The following MEIS2 variants were observed in gnomAD, a reference collection of about 807,000 sequenced individuals.
MEIS2 encodes homeobox protein Meis2.
MEIS2 carries 9 observed loss-of-function variants against 58.6 expected under a neutral mutation model. That is an observed-to-expected ratio of 0.15 (90% CI 0.09 to 0.27). The LOEUF (loss-of-function observed/expected upper bound fraction) is 0.27, where lower values mean the gene tolerates loss of function less well. MEIS2 is among the 10% of genes least tolerant of loss of function. MEIS2 has a pLI of 1.00. For missense variants in MEIS2, 427 were observed against 635.0 expected, an observed-to-expected ratio of 0.67 and a Z score of 3.52; for synonymous variants, 221 against 228.4, an observed-to-expected ratio of 0.97 and a Z score of 0.29.
chr15:37,064,339 A>C (rs1889646801), intron 7 of MEIS2, among the ~76,000 whole-genome samples: 1 of 151,868 alleles, frequency 6.6e-6, no homozygotes, highest in African/African-American at 2.4e-5. Context: ...TATTTTTTCT[A>C]TTTTTCTTTT....
chr15:36,966,750 C>T (rs1197278020), intron 8 of MEIS2, among the ~76,000 whole-genome samples: 1 of 152,130 alleles, frequency 6.6e-6, no homozygotes, highest in African/African-American at 2.4e-5. Context: ...CTGGGGGTAA[C>T]AAACTTCATG....
intron 9 of MEIS2, among the ~76,000 whole-genome samples, chr15:36,937,319 A>G (rs910896939): frequency 6.2e-4 from 94 of 152,168 alleles, no homozygotes; most frequent in African/African-American, 2.2e-3. Flanking sequence ...TGAAGAAATC[A>G]TTTGGTCTGA....
rs371989871 is a variant in MEIS2 at position 36,970,399 on chromosome 15, G to A, written c.901-19999C>T. On this transcript the variant is annotated intron_variant, in intron 8 of 11. Coordinates refer to ENST00000561208, the MANE Select transcript of MEIS2 (RefSeq NM_170675.5). ...AGCCTGGGCGACAGAGCAAGACTCC[G>A]TCTCAAAAAAAAAAAAAAGTGCAAA... 4.6e-3 allele frequency among the ~76,000 whole-genome samples: 586 copies of A among 128,080 alleles called. 2 individuals are homozygous for A. Among genetic ancestry groups the A allele is most frequent in the African/African-American group, 0.016 (554 of 33,746 alleles). The allele number at this position is 128,080 out of a possible 152,430, so 84.0% of individuals were successfully genotyped here.
intron 8 of MEIS2, among the ~76,000 whole-genome samples, chr15:37,027,282 C>A (rs1170756658): frequency 6.6e-6 from 1 of 152,182 alleles, no homozygotes; most frequent in Admixed American, 6.5e-5. Context: ...TGCAGTAACA[C>A]TTTCTAAAAT....
rs2059569368 is a variant in MEIS2, at chr15:36,971,553, A to AAAAAAAAGAAAAAAAAAAG, written c.901-21154_901-21153insCTTTTTTTTTTCTTTTTTT. ...TTGTTACATTAAAAAAAAAAAAAAA[A>AAAAAAAAGAAAAAAAAAAG]AAAAAAAAAAAGGGCTGTTCCAGTG... On this transcript the variant is annotated intron_variant, in intron 8 of 11. Transcript: ENST00000561208. 5.3e-4 allele frequency among the ~76,000 whole-genome samples: 70 copies of AAAAAAAAGAAAAAAAAAAG among 132,056 alleles called. 1 individual carries two copies. Among genetic ancestry groups the AAAAAAAAGAAAAAAAAAAG allele is most frequent in the African/African-American group, 2.4e-3 (70 of 29,554 alleles). 86.6% of individuals were successfully genotyped at this position (132,056 alleles called of 152,430 possible).
chr15:36,981,127 T>C (rs546894842), intron 8 of MEIS2, among the ~76,000 whole-genome samples: 1 of 152,250 alleles, frequency 6.6e-6, no homozygotes, highest in African/African-American at 2.4e-5. Context: ...TTCCACAATT[T>C]CATTTGTAAT....
At chr15:37,060,539 C>A (rs1889068872) in intron 7 of MEIS2, among the ~76,000 whole-genome samples, 1 of 151,938 alleles carries the variant, frequency 6.6e-6, no homozygotes, top group Non-Finnish European at 1.5e-5. Flanking sequence ...TGAACGTGTG[C>A]TCTATACGTT....
chr15:36,958,706 G>C (rs1004262858), intron 8 of MEIS2, among the ~76,000 whole-genome samples: 2 of 152,132 alleles, frequency 1.3e-5, no homozygotes, highest in African/African-American at 4.8e-5. Flanking sequence ...GCTAGAGAAA[G>C]ATAATTTTTA....
intron 9 of MEIS2, among the ~76,000 whole-genome samples, chr15:36,914,254 G>C (rs1322395250): frequency 6.6e-6 from 1 of 152,082 alleles, no homozygotes; most frequent in Non-Finnish European, 1.5e-5. Flanking sequence ...GAACACAGAT[G>C]ATAATAAGAA....
chr15:37,099,502 AT>A lies in MEIS2; in HGVS notation c.-37del, dbSNP rs1567302966. On this transcript the variant is annotated 5_prime_UTR_variant, in exon 1 of 12. Transcript: ENST00000561208. ...TCCAATAAACTCCTGGATGTGTCGT[AT>A]ATTTAATATCCCAGTCCGGATAAGA... is the stretch of plus-strand genomic sequence containing the variant. 1 of 1,613,598 alleles carries A rather than the reference AT, an allele frequency of 6.2e-7. No homozygotes were observed. The highest frequency in any genetic ancestry group is 1.7e-5 in the Admixed American group (1 of 59,990).
chr15:36,955,415 C>T (rs962972070), intron 8 of MEIS2, among the ~76,000 whole-genome samples: 3 of 152,020 alleles, frequency 2.0e-5, no homozygotes, highest in Non-Finnish European at 4.4e-5. Context: ...GTATTTCTCC[C>T]CCATTCTTTC....
intron 7 of MEIS2, among the ~76,000 whole-genome samples, chr15:37,055,967 A>C (rs537322817): frequency 6.6e-6 from 1 of 152,228 alleles, no homozygotes; most frequent in Non-Finnish European, 1.5e-5. Flanking sequence ...TATCTGTCCC[A>C]TCAGTGAATA....
chr15:37,003,505 C>T (rs180993595), intron 8 of MEIS2, among the ~76,000 whole-genome samples: 1 of 152,018 alleles, frequency 6.6e-6, no homozygotes, highest in East Asian at 1.9e-4. Context: ...CACTTAGATA[C>T]GAACATGTTG....
At chr15:36,996,001 A>ATG in intron 8 of MEIS2, among the ~76,000 whole-genome samples, 1 of 102,912 alleles carries the variant, frequency 9.7e-6, no homozygotes, top group African/African-American at 3.2e-5. Context: ...ATATATATAT[A>ATG]TGTATATATA....
At chr15:36,950,288 C>A (rs2058710965) in intron 9 of MEIS2, 36 bp downstream of exon 9, 1 of 1,505,272 alleles carries the variant, frequency 6.6e-7, no homozygotes, top group Non-Finnish European at 9.1e-7. Context: ...CTCATTTTAG[C>A]CATGGGAGAA....
Position 37,083,928 on chromosome 15 carries a change from C to G in MEIS2, c.640-43G>C, listed in dbSNP as rs769969445. On this transcript the variant is annotated intron_variant, in intron 6 of 11. Transcript: ENST00000561208. Reference sequence around the variant, plus strand: ...AGGAATTTTTCCACAGTTACCATTTCAGCCATCAATGAAGAACCAAAAGGA... The same window carrying G: ...AGGAATTTTTCCACAGTTACCATTTGAGCCATCAATGAAGAACCAAAAGGA... 3.8e-6 allele frequency: 6 copies of G among 1,566,360 alleles called. No individual in the cohort carries two copies. The African/African-American group carries it at 6.8e-5, about 18-fold the overall frequency.
intron 7 of MEIS2, among the ~76,000 whole-genome samples, chr15:37,057,067 A>C (rs899635583): frequency 6.6e-6 from 1 of 152,234 alleles, no homozygotes; most frequent in East Asian, 1.9e-4. Context: ...GTTCATGAGG[A>C]AACTCCCCGG....
intron 8 of MEIS2, among the ~76,000 whole-genome samples, chr15:36,962,713 G>A (rs1431915808): frequency 6.6e-6 from 1 of 152,062 alleles, no homozygotes; most frequent in African/African-American, 2.4e-5. Flanking sequence ...TCATATACAT[G>A]ATTAAAATAT....
chr15:37,096,837 T>C (rs533692795), intron 2 of MEIS2, among the ~76,000 whole-genome samples: 2 of 152,048 alleles, frequency 1.3e-5, no homozygotes, highest in East Asian at 3.9e-4. Context: ...GGGAACACTG[T>C]GTGAAATTGA....
Sources: gnomAD v4.1 joint callset for allele counts (sites outside exome capture counted in the v4.1 genomes callset) on GRCh38, gnomAD v4.1.1 for gene constraint, MANE v1.5 for transcripts, NCBI Gene and HGNC (gene_info 2026-07-23, HGNC 2026-07-21) for gene names.